CEP63: variants seen among roughly 807,000 people sequenced by gnomAD.
CEP63 encodes the protein centrosomal protein of 63 kDa.
In CEP63, 84 loss-of-function variants were observed where a neutral mutation model predicts 89.1. That is an observed-to-expected ratio of 0.94 (90% CI 0.79 to 1.13). CEP63 has a LOEUF of 1.13. Among genes scored for constraint, CEP63 ranks in the 50% most tolerant of loss-of-function variants. CEP63 has a pLI of 0.00. For synonymous variants in CEP63, 267 were observed against 272.5 expected (o/e 0.98, Z 0.20); for missense variants, 838 against 813.3 (o/e 1.03, Z -0.37).
At chr3:134,667,673 G>A in the CEP63 span, among the ~76,000 whole-genome samples, 590 of 152,304 alleles carry the variant, frequency 3.9e-3, no homozygotes, top group South Asian at 0.012. Context: ...CCACAGTGGT[G>A]GGCATGATGG....
chr3:134,640,769 A>G, the CEP63 span, among the ~76,000 whole-genome samples: 1 of 152,192 alleles, frequency 6.6e-6, no homozygotes, highest in Non-Finnish European at 1.5e-5. Context: ...CCCATTGCTC[A>G]GGTCCCAAGC....
downstream of CEP63, among the ~76,000 whole-genome samples, chr3:134,588,850 A>T (rs1219812631): frequency 6.6e-6 from 1 of 152,188 alleles, no homozygotes; most frequent in Non-Finnish European, 1.5e-5. Flanking sequence ...TAAAGATACA[A>T]ATTACAAATA....
At chr3:134,745,937 T>G in the CEP63 span, among the ~76,000 whole-genome samples, 10 of 151,486 alleles carry the variant, frequency 6.6e-5, no homozygotes, top group Admixed American at 1.3e-4. Context: ...TTTATTATAC[T>G]TTAAGTTCTA....
At chr3:134,669,884 A>G in the CEP63 span, among the ~76,000 whole-genome samples, 1 of 152,242 alleles carries the variant, frequency 6.6e-6, no homozygotes, top group Non-Finnish European at 1.5e-5. Flanking sequence ...TCATATGTTG[A>G]AACCTAATCC....
chr3:134,755,562 G>A, the CEP63 span: 1 of 152,156 alleles, frequency 6.6e-6, no homozygotes, highest in Non-Finnish European at 1.5e-5. Flanking sequence ...CTTGAGGCTG[G>A]GGCATCTCCA....
intron 3 of CEP63, among the ~76,000 whole-genome samples, chr3:134,512,460 T>C (rs1355096661): frequency 1.3e-5 from 2 of 152,214 alleles, no homozygotes; most frequent in Non-Finnish European, 2.9e-5. Flanking sequence ...ACAAGTAACT[T>C]CCATCATTAT....
the CEP63 span, among the ~76,000 whole-genome samples, chr3:134,620,536 G>A: frequency 6.6e-6 from 1 of 152,260 alleles, no homozygotes; most frequent in Non-Finnish European, 1.5e-5. Context: ...AGGCTGCAAG[G>A]GATTCTCCTC....
the CEP63 span, chr3:134,603,712 G>A: frequency 9.9e-6 from 16 of 1,613,734 alleles, no homozygotes; most frequent in African/African-American, 4.0e-5. Flanking sequence ...GTGGTTCAGG[G>A]TCAGGGGCCA....
intron 2 of CEP63, among the ~76,000 whole-genome samples, chr3:134,498,850 T>C (rs1941040620): frequency 6.6e-6 from 1 of 152,234 alleles, no homozygotes; most frequent in South Asian, 2.1e-4. Flanking sequence ...TGTATCACTT[T>C]TATTGATTTG....
chr3:134,594,132 C>A, the CEP63 span, among the ~76,000 whole-genome samples: 1 of 152,242 alleles, frequency 6.6e-6, no homozygotes, highest in South Asian at 2.1e-4. Flanking sequence ...AAAGTGTTCA[C>A]TAGGAAATCT....
the CEP63 span, among the ~76,000 whole-genome samples, chr3:134,761,180 C>A: frequency 1.3e-5 from 2 of 152,190 alleles, no homozygotes; most frequent in Non-Finnish European, 2.9e-5. Context: ...CATTTAAATG[C>A]TCAGATGCCC....
Position 134,563,244 on chromosome 3 carries a change from C to T in CEP63, c.*1709C>T, listed in dbSNP as rs1195053123. On this transcript the variant is annotated 3_prime_UTR_variant, in exon 15 of 15. Transcript: ENST00000675561. ...CCCAGAATCTTATCTCAGACCCAAC[C>T]GTTTCCCTCCTGCACTTCTACCACC... The T allele has an allele frequency of 9.2e-5, 14 of 152,334 alleles. No homozygotes were observed. Among genetic ancestry groups the T allele is most frequent in the Admixed American group, 7.9e-4 (12 of 15,276 alleles). The allele number at this position is 152,334 out of a possible 1,614,324, so 9.4% of individuals were successfully genotyped here. A position where few individuals can be genotyped will look rare whatever the true frequency, so the allele number is the denominator to read the frequency against.
chr3:134,532,568 T>C (rs1488289882), intron 4 of CEP63, among the ~76,000 whole-genome samples: 1 of 152,168 alleles, frequency 6.6e-6, no homozygotes, highest in Non-Finnish European at 1.5e-5. Flanking sequence ...TTTAAAATTT[T>C]TTTTAAAATT....
chr3:134,718,838 G>T, the CEP63 span, among the ~76,000 whole-genome samples: 2 of 152,124 alleles, frequency 1.3e-5, no homozygotes, highest in Non-Finnish European at 2.9e-5. Flanking sequence ...CACTTTCCTC[G>T]CTGGGATGGA....
the CEP63 span, among the ~76,000 whole-genome samples, chr3:134,759,138 C>T: frequency 2.0e-5 from 3 of 152,318 alleles, no homozygotes; most frequent in South Asian, 2.1e-4. Context: ...GCTCTGCTTA[C>T]GCCTTGGTTT....
At chr3:134,627,463 A>C in the CEP63 span, among the ~76,000 whole-genome samples, 9 of 152,312 alleles carry the variant, frequency 5.9e-5, no homozygotes, top group South Asian at 1.9e-3. Flanking sequence ...TTTAAAGTTA[A>C]CATAATCCTG....
chr3:134,708,338 C>A, the CEP63 span, among the ~76,000 whole-genome samples: 1 of 152,160 alleles, frequency 6.6e-6, no homozygotes, highest in Non-Finnish European at 1.5e-5. Context: ...AGACCAGGGT[C>A]CCAGGGGAAT....
chr3:134,763,204 A>G, the CEP63 span, among the ~76,000 whole-genome samples: 41 of 152,108 alleles, frequency 2.7e-4, no homozygotes, highest in African/African-American at 9.4e-4. Context: ...AACATTAGGT[A>G]TATCTCCAAA....
At chr3:134,763,660 C>T in the CEP63 span, among the ~76,000 whole-genome samples, 1 of 152,200 alleles carries the variant, frequency 6.6e-6, no homozygotes, top group Non-Finnish European at 1.5e-5. Flanking sequence ...GAATATTCCT[C>T]CAATGCACGT....
Sources: gnomAD v4.1 joint callset for allele counts (sites outside exome capture counted in the v4.1 genomes callset) on GRCh38, gnomAD v4.1.1 for gene constraint, MANE v1.5 for transcripts, NCBI Gene and HGNC (gene_info 2026-07-23, HGNC 2026-07-21) for gene names.